The following ZNF599 variants were observed in gnomAD, a reference collection of about 807,000 sequenced individuals.
The protein encoded by ZNF599 is zinc finger protein 599.
In ZNF599, 10 loss-of-function variants were observed where a neutral mutation model predicts 11.7. The ratio of observed to expected loss-of-function variants is 0.86; its 90% CI spans 0.53 to 1.45. ZNF599 has a LOEUF of 1.45. Among genes scored for constraint, ZNF599 ranks in the 40% most tolerant of loss-of-function variants. ZNF599 has a pLI of 0.00. For synonymous variants in ZNF599, 232 were observed against 253.2 expected (o/e 0.92, Z 0.79); for missense variants, 688 against 713.6 (o/e 0.96, Z 0.41).
At position 34,772,949 on chromosome 19, in the gene ZNF599, C is replaced by T; in HGVS notation, c.-108G>A. 2.3e-6 allele frequency: 3 copies of T among 1,298,666 alleles called. No homozygotes were observed. Among genetic ancestry groups the T allele is most frequent in the Non-Finnish European group, 3.0e-6 (3 of 996,322 alleles). 80.4% of individuals were successfully genotyped at this position (1,298,666 alleles called of 1,614,324 possible). On this transcript the variant is annotated 5_prime_UTR_variant, in exon 1 of 4. Transcript: ENST00000329285. ...GGGCTGCGAGGGACCTCAGTCCCCG[C>T]CGTCGTGTAAAATGCACACAAGGTT... is the stretch of plus-strand genomic sequence containing the variant.
chr19:34,761,521 A>G (rs1003666036), intron 3 of ZNF599, among the ~76,000 whole-genome samples: 2 of 152,244 alleles, frequency 1.3e-5, no homozygotes, highest in Non-Finnish European at 2.9e-5. Flanking sequence ...GCCTTACCCT[A>G]TGAGGACTTA....
chr19:34,769,589 G>C, intron 1 of ZNF599, 34 bp from the exon 2 acceptor site: 1 of 1,600,406 alleles, frequency 6.2e-7, no homozygotes, highest in Non-Finnish European at 8.5e-7. Context: ...AGGTGGCTGT[G>C]GAGCTATTAG....
chr19:34,759,199 AGGTTTTTCTCCAGTGT>A lies in ZNF599; in HGVS notation c.1586_1601del (p.His529LeufsTer17). ...CTTTCTCACATTCTTTGCATTCAAAAGGTTTTTCTCCAGTGTGGATCCTATTATGCCGAACAAAATT... is the reference window on the plus strand; with the variant it reads ...CTTTCTCACATTCTTTGCATTCAAAAGGATCCTATTATGCCGAACAAAATT... On this transcript the variant is annotated frameshift_variant, in exon 4 of 4. Transcript: ENST00000329285. LOFTEE classifies it low-confidence loss of function (END_TRUNC). The A allele has an allele frequency of 6.2e-7, 1 of 1,613,986 alleles. No individual in the cohort carries two copies.
the ZNF599 span, among the ~76,000 whole-genome samples, chr19:34,798,978 T>C: frequency 1.6e-4 from 25 of 152,150 alleles, no homozygotes; most frequent in African/African-American, 6.0e-4. Flanking sequence ...TCCCAGAATG[T>C]CACATAATTG....
the ZNF599 span, among the ~76,000 whole-genome samples, chr19:34,793,950 A>G: frequency 9.2e-5 from 14 of 152,204 alleles, no homozygotes; most frequent in African/African-American, 3.4e-4. Context: ...AGATAAAGAC[A>G]TCTCCAAGAC....
intron 3 of ZNF599, among the ~76,000 whole-genome samples, chr19:34,765,967 G>A (rs1307091067): frequency 2.6e-5 from 4 of 152,170 alleles, no homozygotes; most frequent in Admixed American, 6.5e-5. Context: ...GTCAAGATTC[G>A]GGGATGGCTG....
At chr19:34,765,538 T>C (rs1462491940) in intron 3 of ZNF599, 5 of 702,528 alleles carry the variant, frequency 7.1e-6, no homozygotes, top group Non-Finnish European at 7.8e-6. Flanking sequence ...ATATTAATAG[T>C]AGATGGCTAA....
At chr19:34,796,988 G>A in the ZNF599 span, among the ~76,000 whole-genome samples, 17 of 105,670 alleles carry the variant, frequency 1.6e-4, no homozygotes, top group South Asian at 2.0e-3. Context: ...AACAGGCCCC[G>A]GTGTGTGATG....
At chr19:34,768,738 T>C (rs1466953263) in intron 2 of ZNF599, among the ~76,000 whole-genome samples, 5 of 152,332 alleles carry the variant, frequency 3.3e-5, no homozygotes, top group African/African-American at 1.2e-4. Context: ...GGCTACTCTT[T>C]CTACTGAGGA....
chr19:34,791,304 G>A, the ZNF599 span, among the ~76,000 whole-genome samples: 3 of 152,192 alleles, frequency 2.0e-5, no homozygotes, highest in Non-Finnish European at 4.4e-5. Flanking sequence ...TTTTTCCTCT[G>A]CTGACAGATA....
the ZNF599 span, among the ~76,000 whole-genome samples, chr19:34,781,528 G>GA: frequency 6.6e-6 from 1 of 152,248 alleles, no homozygotes; most frequent in African/African-American, 2.4e-5. Context: ...TGAGCCTGCG[G>GA]AATTGTTCGT....
At chr19:34,769,297 C>G (rs2069166435) in intron 2 of ZNF599, 132 bp downstream of exon 2, 1 of 1,213,270 alleles carries the variant, frequency 8.2e-7, no homozygotes. Flanking sequence ...AAGAGGAGGT[C>G]AGACCACAAC....
At chr19:34,795,387 G>A in the ZNF599 span, among the ~76,000 whole-genome samples, 2 of 152,092 alleles carry the variant, frequency 1.3e-5, no homozygotes, top group Non-Finnish European at 2.9e-5. Flanking sequence ...CAACCCTCCT[G>A]CCTCAGCCTT....
In ZNF599 at chr19:34,759,785, T is replaced by C. The variant is rs1455278220; in HGVS notation, c.1016A>G (p.Tyr339Cys). 12 of 1,614,060 alleles carry C rather than the reference T, an allele frequency of 7.4e-6. No individual in the cohort carries two copies. The highest frequency in any genetic ancestry group is 1.0e-5 in the Non-Finnish European group (12 of 1,180,028). ...HMRIHTGKKL[Y>C]ECGECGKAFT... ...GGCCTTTCCACATTCACCGCACTCA[T>C]AGAGTTTCTTTCCAGTATGAATCCT... Residue 339 changes from tyrosine to cysteine, a missense_variant, in exon 4 of 4, where the codon TAT (tyrosine) becomes TGT (cysteine). Tyr to Cys is a radical substitution (Grantham distance 194). Coordinates refer to ENST00000329285, the MANE Select transcript of ZNF599 (RefSeq NM_001007248.3).
chr19:34,794,658 C>T, the ZNF599 span, among the ~76,000 whole-genome samples: 1 of 151,836 alleles, frequency 6.6e-6, no homozygotes, highest in African/African-American at 2.4e-5. Flanking sequence ...GCAACCTCCA[C>T]CTCCCAGGTT....
chr19:34,758,274 T>C lies in ZNF599; in HGVS notation c.*760A>G, dbSNP rs537806073. 1 of 152,330 alleles carries C rather than the reference T, an allele frequency of 6.6e-6. No individual in the cohort carries two copies. Among genetic ancestry groups the C allele is most frequent in the East Asian group, 1.9e-4 (1 of 5,190 alleles). 9.4% of individuals were successfully genotyped at this position (152,330 alleles called of 1,614,324 possible). On this transcript the variant is annotated 3_prime_UTR_variant, in exon 4 of 4. Coordinates refer to ENST00000329285, the MANE Select transcript of ZNF599 (RefSeq NM_001007248.3). ...GCAACAATCATTCAGCATTCACTAATTCAGTGTGCACAGAAAATTCACAGA... is the reference window on the plus strand; with the variant it reads ...GCAACAATCATTCAGCATTCACTAACTCAGTGTGCACAGAAAATTCACAGA...
chr19:34,780,357 A>C, the ZNF599 span, among the ~76,000 whole-genome samples: 1 of 152,010 alleles, frequency 6.6e-6, no homozygotes, highest in African/African-American at 2.4e-5. Context: ...AAAAATTAAA[A>C]AATAAGCTGG....
At chr19:34,766,466 A>C (rs2069144208) in intron 3 of ZNF599, among the ~76,000 whole-genome samples, 1 of 152,236 alleles carries the variant, frequency 6.6e-6, no homozygotes. Context: ...GCAGGAAAAG[A>C]AAGGACTGTC....
At position 34,759,392 on chromosome 19, in the gene ZNF599, T is replaced by A. The variant is rs1236507067; in HGVS notation, c.1409A>T (p.Asn470Ile). The change falls in exon 4 of 4, where the codon AAT becomes ATT. Residue 470 changes from asparagine (N) to isoleucine (I), a missense_variant. Physicochemically the swap from Asn to Ile is moderately radical, Grantham distance 149. Transcript: ENST00000329285. ...GGGTTTTTGTCCACTGTGGGTCCTA[T>A]TATGTCGAATAAAAACAGAGTGGTG... Reference protein sequence around the residue: ...FTHHSVFIRHNRTHSGQKPLE... With the variant: ...FTHHSVFIRHIRTHSGQKPLE... 6.2e-7 allele frequency: 1 copy of A among 1,614,000 alleles called. No homozygotes were observed. The highest frequency in any genetic ancestry group is 1.7e-5 in the Admixed American group (1 of 60,002).
Sources: gnomAD v4.1 joint callset for allele counts (sites outside exome capture counted in the v4.1 genomes callset) on GRCh38, gnomAD v4.1.1 for gene constraint, MANE v1.5 for transcripts, NCBI Gene and HGNC (gene_info 2026-07-23, HGNC 2026-07-21) for gene names.